The following ZKSCAN1 variants were observed in gnomAD, a reference collection of about 807,000 sequenced individuals.
The protein encoded by ZKSCAN1 is zinc finger with KRAB and SCAN domains 1.
A neutral mutation model predicts 51.6 loss-of-function variants in ZKSCAN1; 14 were observed. The observed-to-expected ratio is 0.27, with a 90% CI of 0.18 to 0.42. The LOEUF (loss-of-function observed/expected upper bound fraction) is 0.42. ZKSCAN1 is among the 10% of genes least tolerant of loss of function. The pLI is 1.00. For synonymous variants in ZKSCAN1, 263 were observed against 261.5 expected (o/e 1.01, Z -0.06); for missense variants, 531 against 710.0 (o/e 0.75, Z 2.86).
rs1790684645 is a variant in ZKSCAN1 at position 100,023,623 on chromosome 7, G to T, written c.117G>T (p.Gly39=). The change falls in exon 2 of 6, where the codon GGG becomes GGT. Residue 39 remains glycine (G), a synonymous_variant. Coordinates refer to ENST00000324306, the MANE Select transcript of ZKSCAN1 (RefSeq NM_003439.4). The part of the protein sequence containing the change: ...EEEDEEDHMW[G]QDSTLQDTPP... Reference sequence around the variant, plus strand: ...AAGATGAGGAAGACCACATGTGGGGGCAGGATTCCACCCTACAGGACACGC... The same window carrying T: ...AAGATGAGGAAGACCACATGTGGGGTCAGGATTCCACCCTACAGGACACGC... The T allele has an allele frequency of 6.2e-7, 1 of 1,613,910 alleles. No individual in the cohort carries two copies. The highest frequency in any genetic ancestry group is 8.5e-7 in the Non-Finnish European group (1 of 1,180,050).
chr7:100,019,657 C>G (rs1790518756), intron 1 of ZKSCAN1, among the ~76,000 whole-genome samples: 1 of 152,138 alleles, frequency 6.6e-6, no homozygotes. Flanking sequence ...CATATACTTG[C>G]TGTGTGACCT....
At chr7:100,021,457 G>A (rs919150100) in intron 1 of ZKSCAN1, among the ~76,000 whole-genome samples, 1 of 151,940 alleles carries the variant, frequency 6.6e-6, no homozygotes, top group African/African-American at 2.4e-5. Flanking sequence ...ACATAGATGG[G>A]TTTTTCCTGG....
chr7:100,022,245 G>T (rs1790622808), intron 1 of ZKSCAN1, among the ~76,000 whole-genome samples: 1 of 152,220 alleles, frequency 6.6e-6, no homozygotes, highest in Non-Finnish European at 1.5e-5. Context: ...AGTAGAGACA[G>T]GGTTTCACCA....
Position 100,038,232 on chromosome 7 carries a change from G to T in ZKSCAN1, c.*4035G>T, listed in dbSNP as rs1791447895. 1 of 985,246 alleles carries T rather than the reference G, an allele frequency of 1.0e-6. No individual in the cohort carries two copies. The highest frequency in any genetic ancestry group is 6.2e-5 in the Admixed American group (1 of 16,260). 61.0% of individuals were successfully genotyped at this position (985,246 alleles called of 1,614,324 possible). ...CTTGTTATTGTTCCGTATATTACCT[G>T]TAAGCAGATACTGTATTTTATTTTA... On this transcript the variant is annotated 3_prime_UTR_variant, in exon 6 of 6. Transcript: ENST00000324306.
chr7:100,018,178 G>A (rs1006618749), intron 1 of ZKSCAN1, among the ~76,000 whole-genome samples: 2 of 152,124 alleles, frequency 1.3e-5, no homozygotes, highest in African/African-American at 4.8e-5. Flanking sequence ...ATGCTAACCT[G>A]AAACTCATCC....
At chr7:100,043,579 G>T (rs1253087641), downstream of ZKSCAN1, among the ~76,000 whole-genome samples, 3 of 150,880 alleles carry the variant, frequency 2.0e-5, no homozygotes, top group Non-Finnish European at 4.4e-5. Context: ...TTGCTATGTT[G>T]CCCAGGCTGG....
chr7:100,019,659 G>T (rs959801313), intron 1 of ZKSCAN1, among the ~76,000 whole-genome samples: 1 of 152,110 alleles, frequency 6.6e-6, no homozygotes, highest in African/African-American at 2.4e-5. Flanking sequence ...TATACTTGCT[G>T]TGTGACCTTG....
chr7:100,023,559 A>G lies in ZKSCAN1; in HGVS notation c.53A>G (p.Gln18Arg), dbSNP rs201480736. ...ACGGGTCTGTCCCCACAGGCTGCACAGGAGAAGGATGGTATCGTAATAGTG... is the reference window on the plus strand; with the variant it reads ...ACGGGTCTGTCCCCACAGGCTGCACGGGAGAAGGATGGTATCGTAATAGTG... ...EATGLSPQAAQEKDGIVIVKV... is the reference protein window; with the variant it reads ...EATGLSPQAAREKDGIVIVKV... The change falls in exon 2 of 6, where the codon CAG becomes CGG. Residue 18 changes from glutamine to arginine, a missense_variant. Around this residue, in one of 2 missense-constraint regions of ZKSCAN1, gnomAD observed 403 missense variants for 490.5 expected, o/e 0.82. Coordinates refer to ENST00000324306, the MANE Select transcript of ZKSCAN1 (RefSeq NM_003439.4). 3.7e-6 allele frequency: 6 copies of G among 1,613,566 alleles called. No homozygotes were observed. The East Asian group carries it at 1.3e-4, about 36-fold the overall frequency.
rs996550310 is a variant in ZKSCAN1, at chr7:100,038,814, C to G, written c.*4617C>G. 6.3e-6 allele frequency: 5 copies of G among 789,440 alleles called. No homozygotes were observed. In the South Asian group the frequency reaches 2.3e-4, roughly 37 times the overall value. The allele number at this position is 789,440 out of a possible 1,614,324, so 48.9% of individuals were successfully genotyped here. A position where few individuals can be genotyped will look rare whatever the true frequency, so the allele number is the denominator to read the frequency against. On this transcript the variant is annotated 3_prime_UTR_variant, in exon 6 of 6. Transcript: ENST00000324306. ...ATCGAGACCATCCTGGCTAACATGGCGAAACCCCGTCTCTACTAAAAATAC... is the reference window on the plus strand; with the variant it reads ...ATCGAGACCATCCTGGCTAACATGGGGAAACCCCGTCTCTACTAAAAATAC...
At chr7:100,045,060 C>A (rs1289094485), downstream of ZKSCAN1, 23 of 850,264 alleles carry the variant, frequency 2.7e-5, no homozygotes, top group Non-Finnish European at 3.1e-5. Flanking sequence ...ATGCTGGAAT[C>A]TTTTCCTCTC....
chr7:100,045,364 G>A (rs1584362152), downstream of ZKSCAN1, among the ~76,000 whole-genome samples: 1 of 151,464 alleles, frequency 6.6e-6, no homozygotes, highest in Non-Finnish European at 1.5e-5. Context: ...TGCCCAACAT[G>A]GTGAAACCCC....
rs779909093 is a variant in ZKSCAN1 at position 100,033,517 on chromosome 7, A to G, written c.1012A>G (p.Lys338Glu). Residue 338 changes from lysine to glutamate, a missense_variant, in exon 6 of 6, where the codon AAA becomes GAA. By Grantham distance (56) the Lys-to-Glu change is moderately conservative (BLOSUM62 1). Coordinates refer to ENST00000324306, the MANE Select transcript of ZKSCAN1 (RefSeq NM_003439.4). This position sits in a 1 kb window ranked among gnomAD's most constrained non-coding sequence, Gnocchi z 4.1. ...RDSGPAIGKD[K>E]KTITGERGPR... ...TTCAGGGCCAGCTATAGGAAAGGAC[A>G]AAAAAACCATCACAGGAGAGAGAGG... 2 of 1,613,864 alleles carry G rather than the reference A, an allele frequency of 1.2e-6. No individual in the cohort carries two copies. The highest frequency in any genetic ancestry group is 2.7e-5 in the African/African-American group (2 of 74,882).
downstream of ZKSCAN1, among the ~76,000 whole-genome samples, chr7:100,044,307 C>A (rs1373625621): frequency 6.6e-6 from 1 of 152,130 alleles, no homozygotes; most frequent in African/African-American, 2.4e-5. Flanking sequence ...CACTGCAAGA[C>A]CCCACTGCAG....
rs1791575801 is a variant in ZKSCAN1 at position 100,041,119 on chromosome 7, C to T, written c.*6922C>T. 1 of 831,630 alleles carries T rather than the reference C, an allele frequency of 1.2e-6. No homozygotes were observed. The highest frequency in any genetic ancestry group is 6.2e-5 in the Admixed American group (1 of 16,030). 51.5% of individuals were successfully genotyped at this position (831,630 alleles called of 1,614,324 possible). On this transcript the variant is annotated 3_prime_UTR_variant, in exon 6 of 6. Transcript: ENST00000324306. ...TATAGAGGGCTAACTCAGGCATTGT[C>T]TTGTTTATTTGTAGACTGGATTAAA...
At chr7:100,018,257 A>G (rs1290748679) in intron 1 of ZKSCAN1, among the ~76,000 whole-genome samples, 1 of 152,186 alleles carries the variant, frequency 6.6e-6, no homozygotes, top group Non-Finnish European at 1.5e-5. Flanking sequence ...AAAAATAGTA[A>G]CGTTGTCAAT....
At chr7:100,026,224 T>C (rs1177948426) in intron 3 of ZKSCAN1, among the ~76,000 whole-genome samples, 1 of 73,608 alleles carries the variant, frequency 1.4e-5, no homozygotes, top group African/African-American at 6.2e-5. Flanking sequence ...AGAGTGAAAC[T>C]CATCTCAAAA....
chr7:100,035,535 C>G lies in ZKSCAN1; in HGVS notation c.*1338C>G, dbSNP rs1390369099. 6.6e-6 allele frequency: 1 copy of G among 151,940 alleles called. No individual in the cohort carries two copies. Among genetic ancestry groups the G allele is most frequent in the Non-Finnish European group, 1.5e-5 (1 of 68,030 alleles). The allele number at this position is 151,940 out of a possible 1,614,324, so 9.4% of individuals were successfully genotyped here. On this transcript the variant is annotated 3_prime_UTR_variant, in exon 6 of 6. Coordinates refer to ENST00000324306, the MANE Select transcript of ZKSCAN1 (RefSeq NM_003439.4). ...TCATTTGTACTTAGATACTGGAGTT[C>G]AGAAGATGTGATTTTTGTTGCTTTT...
Position 100,023,542 on chromosome 7 carries a change from G to C in ZKSCAN1, c.36G>C (p.Leu12=). The C allele has an allele frequency of 6.2e-7, 1 of 1,613,130 alleles. No individual in the cohort carries two copies. The highest frequency in any genetic ancestry group is 8.5e-7 in the Non-Finnish European group (1 of 1,179,950). The change falls in exon 2 of 6, where the codon CTG becomes CTC. Residue 12 remains leucine (L), a synonymous_variant. Coordinates refer to ENST00000324306, the MANE Select transcript of ZKSCAN1 (RefSeq NM_003439.4). The part of the protein sequence containing the change: ...MTAESREATG[L]SPQAAQEKDG... The stretch of plus-strand genomic sequence containing the variant: ...CTGAATCACGGGAAGCCACGGGTCT[G>C]TCCCCACAGGCTGCACAGGAGAAGG...
Position 100,034,101 on chromosome 7 carries a change from C to A in ZKSCAN1, c.1596C>A (p.Leu532=). 6.2e-7 allele frequency: 1 copy of A among 1,608,210 alleles called. No homozygotes were observed. The highest frequency in any genetic ancestry group is 1.1e-5 in the South Asian group (1 of 90,326). Residue 532 remains leucine, a synonymous_variant, in exon 6 of 6, where the codon CTC becomes CTA. Coordinates refer to ENST00000324306, the MANE Select transcript of ZKSCAN1 (RefSeq NM_003439.4). The part of the protein sequence containing the change: ...CGKAFTRSST[L]TLHHRIHARE... ...AGGCCTTCACCCGCAGCTCCACCCT[C>A]ACTCTGCATCACAGAATCCATGCCA... is the stretch of plus-strand genomic sequence containing the variant.
Sources: allele counts gnomAD v4.1 joint callset (sites outside exome capture counted in the v4.1 genomes callset), GRCh38; gene constraint gnomAD v4.1.1; regional missense constraint gnomAD v4.1.1; non-coding constraint Gnocchi (gnomAD v3.1); transcripts MANE v1.5; gene names NCBI Gene and HGNC (gene_info 2026-07-23, HGNC 2026-07-21).